Variants in BCL11B observed in about 807,000 individuals in gnomAD.
BCL11B encodes the protein B-cell lymphoma/leukemia 11B.
In BCL11B, 8 loss-of-function variants were observed where a neutral mutation model predicts 49.9. That is an observed-to-expected ratio of 0.16 (90% CI 0.09 to 0.29). BCL11B has a LOEUF of 0.29. BCL11B is among the 10% of genes least tolerant of loss of function. The pLI is 1.00. For synonymous variants in BCL11B, 739 were observed against 637.4 expected (o/e 1.16, Z -2.40); for missense variants, 1,006 against 1,351.0 (o/e 0.74, Z 4.00).
At chr14:99,185,588 C>T (rs991125930) in intron 3 of BCL11B, among the ~76,000 whole-genome samples, 4 of 152,028 alleles carry the variant, frequency 2.6e-5, no homozygotes, top group Non-Finnish European at 5.9e-5. Flanking sequence ...GGCCACGCGA[C>T]GCAGAAAGCA....
In BCL11B at chr14:99,186,515, G is replaced by A. The variant is rs546393385; in HGVS notation, c.641-10320C>T. 3.3e-5 allele frequency among the ~76,000 whole-genome samples: 5 copies of A among 152,204 alleles called. No individual in the cohort carries two copies. In the East Asian group the frequency reaches 7.7e-4, roughly 24 times the overall value. ...AGCCTGGGTGATGGAACAAGACTCC[G>A]TCTCAAAAAAAAGTGCATCATGCAG... is the stretch of plus-strand genomic sequence containing the variant. On this transcript the variant is annotated intron_variant, in intron 3 of 3. Coordinates refer to ENST00000357195, the MANE Select transcript of BCL11B (RefSeq NM_138576.4).
At chr14:99,269,929 C>T in intron 1 of BCL11B, among the ~76,000 whole-genome samples, 1 of 147,606 alleles carries the variant, frequency 6.8e-6, no homozygotes. Flanking sequence ...GACCCAGGCA[C>T]CGCGAGAGAA....
chr14:99,187,819 A>G (rs1886900867), intron 3 of BCL11B, among the ~76,000 whole-genome samples: 2 of 151,380 alleles, frequency 1.3e-5, no homozygotes, highest in African/African-American at 2.4e-5. Flanking sequence ...TCCCCTCTCC[A>G]TAATTCAAGA....
At chr14:99,230,267 T>A (rs1888289724) in intron 3 of BCL11B, among the ~76,000 whole-genome samples, 1 of 152,154 alleles carries the variant, frequency 6.6e-6, no homozygotes, top group South Asian at 2.1e-4. Flanking sequence ...CAGCTTCAAT[T>A]AAAAACACAA....
At chr14:99,267,552 C>CCA (rs1491352603) in intron 1 of BCL11B, among the ~76,000 whole-genome samples, 3 of 146,990 alleles carry the variant, frequency 2.0e-5, no homozygotes, top group Non-Finnish European at 4.5e-5. Context: ...TCACCCCCCC[C>CCA]CCACCAACTA....
rs867661023 is a variant in BCL11B, at chr14:99,175,061, G to T, written c.1775C>A (p.Ala592Glu). 1 of 1,599,512 alleles carries T rather than the reference G, an allele frequency of 6.3e-7. No homozygotes were observed. Among genetic ancestry groups the T allele is most frequent in the Non-Finnish European group, 8.5e-7 (1 of 1,177,328 alleles). Residue 592 changes from alanine to glutamate, a missense_variant, in exon 4 of 4, where the codon GCG becomes GAG. Ala to Glu is a moderately radical substitution (Grantham distance 107, BLOSUM62 -1). Transcript: ENST00000357195. The part of the protein sequence containing the change: ...GAAKALADEK[A>E]LVLGKVMENV... ...CTCCATGACCTTGCCCAGCACCAGC[G>T]CCTTCTCGTCAGCCAGCGCCTTGGC...
chr14:99,185,159 G>A (rs1409698706), intron 3 of BCL11B, among the ~76,000 whole-genome samples: 4 of 152,124 alleles, frequency 2.6e-5, no homozygotes, highest in Non-Finnish European at 5.9e-5. Flanking sequence ...TGATGAGGAC[G>A]GGCGCGGTGG....
chr14:99,270,661 G>A (rs1595091008), intron 1 of BCL11B, among the ~76,000 whole-genome samples: 1 of 152,034 alleles, frequency 6.6e-6, no homozygotes, highest in Non-Finnish European at 1.5e-5. Flanking sequence ...TGGCCCTACG[G>A]CTCCCCCAGC....
chr14:99,182,002 G>A (rs555516435), intron 3 of BCL11B, among the ~76,000 whole-genome samples: 3 of 152,222 alleles, frequency 2.0e-5, no homozygotes, highest in South Asian at 2.1e-4. Context: ...CTTTCATGAC[G>A]TCAGAAAGGA....
At position 99,176,007 on chromosome 14, in the gene BCL11B, A is replaced by T; in HGVS notation, c.829T>A (p.Ser277Thr). The T allele has an allele frequency of 6.5e-7, 1 of 1,546,098 alleles. No homozygotes were observed. The highest frequency in any genetic ancestry group is 8.7e-7 in the Non-Finnish European group (1 of 1,146,836). The change falls in exon 4 of 4, where the codon TCC (serine) becomes ACC (threonine). Residue 277 changes from serine (S) to threonine (T), a missense_variant. Physicochemically the swap from Ser to Thr is moderately conservative, Grantham distance 58 (BLOSUM62 1). Transcript: ENST00000357195. ...TCGCCCAGGAAATTCATGAGCGGGGACTGCGCCACGGCCTCCGGCCCGAGC... is the reference window on the plus strand; with the variant it reads ...TCGCCCAGGAAATTCATGAGCGGGGTCTGCGCCACGGCCTCCGGCCCGAGC... Reference protein sequence around the residue: ...PPLGPEAVAQSPLMNFLGDSN... With the variant: ...PPLGPEAVAQTPLMNFLGDSN...
intron 3 of BCL11B, among the ~76,000 whole-genome samples, chr14:99,219,153 C>T (rs1484752660): frequency 6.6e-6 from 1 of 152,012 alleles, no homozygotes; most frequent in Non-Finnish European, 1.5e-5. Context: ...AGGGCTCCTC[C>T]TGCCTCCACC....
Position 99,171,763 on chromosome 14 carries a change from T to A in BCL11B, c.*2388A>T, listed in dbSNP as rs985527179. 16 of 210,896 alleles carry A rather than the reference T, an allele frequency of 7.6e-5. No individual in the cohort carries two copies. The highest frequency in any genetic ancestry group is 7.7e-5 in the Non-Finnish European group (8 of 103,944). 13.1% of individuals were successfully genotyped at this position (210,896 alleles called of 1,614,324 possible). The stretch of plus-strand genomic sequence containing the variant: ...ATTCAACACCCAAGGCAGAAAAAAA[T>A]TTACTAAAACTCCGACTTTACAGTT... On this transcript the variant is annotated 3_prime_UTR_variant, in exon 4 of 4. Coordinates refer to ENST00000357195, the MANE Select transcript of BCL11B (RefSeq NM_138576.4).
At position 99,255,419 on chromosome 14, in the gene BCL11B, A is replaced by G. The variant is rs1463124001; in HGVS notation, c.427+2052T>C. Among the ~76,000 whole-genome samples the G allele has an allele frequency of 1.3e-4, 19 of 147,220 alleles. No individual in the cohort carries two copies. The East Asian group carries it at 3.7e-3, about 29-fold the overall frequency. On this transcript the variant is annotated intron_variant, in intron 2 of 3. Coordinates refer to ENST00000357195, the MANE Select transcript of BCL11B (RefSeq NM_138576.4). ...ATCACAACCTGGAAAAAAAAAAAAAAAAAAAAAAAAAAAAAACAGGGGGGC... is the reference window on the plus strand; with the variant it reads ...ATCACAACCTGGAAAAAAAAAAAAAGAAAAAAAAAAAAAAAACAGGGGGGC...
At chr14:99,252,396 A>AT (rs1009535062) in intron 2 of BCL11B, among the ~76,000 whole-genome samples, 11 of 152,018 alleles carry the variant, frequency 7.2e-5, no homozygotes, top group African/African-American at 7.3e-5. Flanking sequence ...CCAAGCTAAT[A>AT]TTTTTTTTCA....
Position 99,232,505 on chromosome 14 carries a change from G to C in BCL11B, c.428-948C>G, listed in dbSNP as rs56377180. Among the ~76,000 whole-genome samples the C allele has an allele frequency of 0.043, 6,544 of 152,324 alleles. 233 individuals are homozygous for C. Among genetic ancestry groups the C allele is most frequent in the Non-Finnish European group, 0.058 (3,936 of 68,028 alleles). ...AGAGACAAAAAGGAAACGTCAACAA[G>C]AGGATGGGCAGCTGGGCCCAGCCGG... On this transcript the variant is annotated intron_variant, in intron 2 of 3. Coordinates refer to ENST00000357195, the MANE Select transcript of BCL11B (RefSeq NM_138576.4). The surrounding 1 kb of genome is among the most constrained non-coding windows in gnomAD (Gnocchi z 5.1).
chr14:99,186,557 G>T (rs182468503), intron 3 of BCL11B, among the ~76,000 whole-genome samples: 1 of 152,204 alleles, frequency 6.6e-6, no homozygotes, highest in Non-Finnish European at 1.5e-5. Flanking sequence ...GAGGGAAAGC[G>T]CATGCCTGGC....
chr14:99,271,001 C>T (rs1399001256), intron 1 of BCL11B, among the ~76,000 whole-genome samples, 160 bp downstream of exon 1: 1 of 151,758 alleles, frequency 6.6e-6, no homozygotes, highest in Non-Finnish European at 1.5e-5. Flanking sequence ...TCCTATGGCC[C>T]CCGCCCCCCG....
chr14:99,236,240 C>T (rs534771595), intron 2 of BCL11B, among the ~76,000 whole-genome samples: 44 of 152,092 alleles, frequency 2.9e-4, no homozygotes, highest in African/African-American at 1.0e-3. Flanking sequence ...AATTCGCACG[C>T]GGGCAAATAA....
intron 3 of BCL11B, among the ~76,000 whole-genome samples, chr14:99,183,605 AC>A (rs780109063): frequency 6.6e-6 from 1 of 151,990 alleles, no homozygotes; most frequent in East Asian, 1.9e-4. Context: ...GGAAAACAAT[AC>A]CTGCCTTCCT....
Sources: gnomAD v4.1 joint callset for allele counts (sites outside exome capture counted in the v4.1 genomes callset) on GRCh38, gnomAD v4.1.1 for gene constraint, Gnocchi (gnomAD v3.1) non-coding constraint, MANE v1.5 for transcripts, NCBI Gene and HGNC (gene_info 2026-07-23, HGNC 2026-07-21) for gene names.